PKP4: variants seen among roughly 807,000 people sequenced by gnomAD.
PKP4 encodes the protein plakophilin-4.
Under a neutral mutation model 145.1 loss-of-function variants are expected in PKP4, and 90 were observed. That is an observed-to-expected ratio of 0.62 (90% confidence interval 0.52 to 0.74). The LOEUF is 0.74. PKP4 is among the 30% of genes least tolerant of loss of function. The pLI is 0.00. For synonymous variants in PKP4, 563 were observed against 577.2 expected (o/e 0.98, Z 0.35); for missense variants, 1,340 against 1,482.7 (o/e 0.90, Z 1.58).
At chr2:158,480,300 G>C (rs760743867) in intron 1 of PKP4, among the ~76,000 whole-genome samples, 51 of 152,080 alleles carry the variant, frequency 3.4e-4, no homozygotes, top group Non-Finnish European at 6.5e-4. Flanking sequence ...GCAATAGTGC[G>C]ATCTCGGCTC....
intron 4 of PKP4, among the ~76,000 whole-genome samples, chr2:158,619,320 T>A (rs1007458130): frequency 6.6e-6 from 1 of 152,232 alleles, no homozygotes; most frequent in Non-Finnish European, 1.5e-5. Flanking sequence ...ATACAATCTT[T>A]AATCTTTGTT....
At chr2:158,500,161 C>A (rs911170284) in intron 1 of PKP4, among the ~76,000 whole-genome samples, 5 of 152,176 alleles carry the variant, frequency 3.3e-5, no homozygotes, top group Admixed American at 1.3e-4. Flanking sequence ...TCTATTTTTA[C>A]TAGTCCCATC....
At chr2:158,572,993 A>G (rs2047535926) in intron 2 of PKP4, among the ~76,000 whole-genome samples, 1 of 152,198 alleles carries the variant, frequency 6.6e-6, no homozygotes, top group African/African-American at 2.4e-5. Flanking sequence ...CGACCAAGCA[A>G]TTCCACTTCT....
intron 2 of PKP4, among the ~76,000 whole-genome samples, chr2:158,550,011 A>G (rs1180726032): frequency 6.6e-6 from 1 of 152,166 alleles, no homozygotes; most frequent in African/African-American, 2.4e-5. Context: ...AGTATTGTCC[A>G]ACATAGGAGG....
intron 2 of PKP4, among the ~76,000 whole-genome samples, chr2:158,571,822 G>A (rs752204396): frequency 7.2e-5 from 11 of 152,120 alleles, no homozygotes; most frequent in Non-Finnish European, 1.6e-4. Context: ...CGTGAAAATG[G>A]TTCAAGGGAC....
chr2:158,533,312 A>T lies in PKP4; in HGVS notation c.128A>T (p.Glu43Val). 6.2e-7 allele frequency: 1 copy of T among 1,614,160 alleles called. No homozygotes were observed. The highest frequency in any genetic ancestry group is 8.5e-7 in the Non-Finnish European group (1 of 1,180,006). The change falls in exon 2 of 22, where the codon GAG becomes GTG. Residue 43 changes from glutamate to valine, a missense_variant. By Grantham distance (121) the Glu-to-Val change is moderately radical. Coordinates refer to ENST00000389759, the MANE Select transcript of PKP4 (RefSeq NM_003628.6). ...ACCACTATTCTAGCATCCGTGAAGG[A>T]GCAGGTACATCCTCGTATTGAAAGT... ...TATTILASVK[E>V]QELQFQRLTR...
intron 4 of PKP4, among the ~76,000 whole-genome samples, chr2:158,608,703 A>ATATTTATGACATTTAAATTGTAACCATG (rs2050852410): frequency 6.6e-6 from 1 of 152,036 alleles, no homozygotes; most frequent in Non-Finnish European, 1.5e-5. Context: ...CTTTTCAGCC[A>ATATTTATGACATTTAAATTGTAACCATG]TATTTATGAC....
At chr2:158,492,572 G>C (rs990370884) in intron 1 of PKP4, among the ~76,000 whole-genome samples, 3 of 151,954 alleles carry the variant, frequency 2.0e-5, no homozygotes, top group Non-Finnish European at 4.4e-5. Flanking sequence ...ACCCTGCCCG[G>C]GCTTTGCTCC....
intron 1 of PKP4, among the ~76,000 whole-genome samples, chr2:158,489,271 C>G (rs560181781): frequency 6.6e-6 from 1 of 151,992 alleles, no homozygotes; most frequent in Non-Finnish European, 1.5e-5. Context: ...TTTTGAACTG[C>G]TATTTATAGT....
intron 1 of PKP4, among the ~76,000 whole-genome samples, chr2:158,481,049 T>C (rs1693276834): frequency 6.6e-6 from 1 of 152,198 alleles, no homozygotes; most frequent in Non-Finnish European, 1.5e-5. Flanking sequence ...TAAATCAGTG[T>C]TTCTTTTTAA....
intron 1 of PKP4, among the ~76,000 whole-genome samples, chr2:158,459,934 G>A (rs796681991): frequency 7.2e-5 from 11 of 152,228 alleles, no homozygotes; most frequent in African/African-American, 2.6e-4. Flanking sequence ...TTTTCAACTA[G>A]TGATCCTACA....
In PKP4 at chr2:158,572,765, G is replaced by A. The variant is rs546920853; in HGVS notation, c.133-4506G>A. 3.9e-5 allele frequency among the ~76,000 whole-genome samples: 6 copies of A among 152,214 alleles called. No homozygotes were observed. In the South Asian group the frequency reaches 1.2e-3, roughly 32 times the overall value. On this transcript the variant is annotated intron_variant, in intron 2 of 21. Coordinates refer to ENST00000389759, the MANE Select transcript of PKP4 (RefSeq NM_003628.6). ...ATAGGAAAAAGGTGTTTGTTATCAG[G>A]GAAATACAAAATAAAACACAAGCAA...
chr2:158,493,340 G>A (rs1036345910), intron 1 of PKP4, among the ~76,000 whole-genome samples: 5 of 152,130 alleles, frequency 3.3e-5, no homozygotes, highest in East Asian at 1.9e-4. Flanking sequence ...GTTTCTCATC[G>A]TTTTTTAAAT....
At chr2:158,645,031 A>G (rs1006689356) in intron 11 of PKP4, among the ~76,000 whole-genome samples, 2 of 152,222 alleles carry the variant, frequency 1.3e-5, no homozygotes, top group Non-Finnish European at 2.9e-5. Context: ...CCTGCATCCA[A>G]TATTTAAGGG....
chr2:158,544,272 C>T (rs2044770098), intron 2 of PKP4, among the ~76,000 whole-genome samples: 1 of 152,038 alleles, frequency 6.6e-6, no homozygotes, highest in Admixed American at 6.6e-5. Flanking sequence ...TACATAGGGG[C>T]ATCGTAAGAC....
chr2:158,466,658 T>G (rs774474458), intron 1 of PKP4, among the ~76,000 whole-genome samples: 1 of 152,110 alleles, frequency 6.6e-6, no homozygotes, highest in Non-Finnish European at 1.5e-5. Context: ...TGGGCAGAGA[T>G]TGCACCACTG....
chr2:158,473,725 G>A (rs1691981887), intron 1 of PKP4, among the ~76,000 whole-genome samples: 1 of 152,118 alleles, frequency 6.6e-6, no homozygotes, highest in Non-Finnish European at 1.5e-5. Flanking sequence ...CCTGGGTGAT[G>A]AAATAATATG....
chr2:158,578,472 C>T (rs993207320), intron 3 of PKP4, among the ~76,000 whole-genome samples: 1 of 149,498 alleles, frequency 6.7e-6, no homozygotes, highest in African/African-American at 2.4e-5. Flanking sequence ...AAATTTCTAA[C>T]TCAGACTTTG....
chr2:158,553,701 A>C (rs78940046), intron 2 of PKP4, among the ~76,000 whole-genome samples: 35,723 of 152,026 alleles, frequency 0.23, 4,594 homozygotes, highest in Middle Eastern at 0.36. Flanking sequence ...TTTATTCTTT[A>C]CATTTTTTTT....
Sources: gnomAD v4.1 joint callset for allele counts (sites outside exome capture counted in the v4.1 genomes callset) on GRCh38, gnomAD v4.1.1 for gene constraint, MANE v1.5 for transcripts, NCBI Gene and HGNC (gene_info 2026-07-23, HGNC 2026-07-21) for gene names.